Variants in SRGAP1 observed in about 807,000 individuals in gnomAD.
SRGAP1 encodes the protein SLIT-ROBO Rho GTPase-activating protein 1.
SRGAP1 carries 43 observed loss-of-function variants against 121.9 expected under a neutral mutation model. The observed-to-expected ratio is 0.35, with a 90% CI of 0.28 to 0.46. The LOEUF is 0.46. Ranked by LOEUF, SRGAP1 falls within the 20% of genes least tolerant of loss-of-function variation. SRGAP1 has a pLI of 1.00. For synonymous variants in SRGAP1, 447 were observed against 485.4 expected (o/e 0.92, Z 1.04); for missense variants, 1,102 against 1,350.9 (o/e 0.82, Z 2.89).
intron 1 of SRGAP1, among the ~76,000 whole-genome samples, chr12:63,889,987 T>C (rs1900523372): frequency 6.6e-6 from 1 of 152,224 alleles, no homozygotes; most frequent in South Asian, 2.1e-4. Context: ...ATTTGCTTTA[T>C]CTGTTTGTTC....
At chr12:64,137,120 T>C (rs1477626388) in intron 21 of SRGAP1, among the ~76,000 whole-genome samples, 1 of 151,932 alleles carries the variant, frequency 6.6e-6, no homozygotes, top group Non-Finnish European at 1.5e-5. Context: ...AAAAATTAGC[T>C]GGGCATGGTG....
At chr12:63,923,035 T>C (rs1230312093) in intron 1 of SRGAP1, among the ~76,000 whole-genome samples, 2 of 152,226 alleles carry the variant, frequency 1.3e-5, no homozygotes, top group Non-Finnish European at 2.9e-5. Flanking sequence ...GGGAACTCAC[T>C]GTTGGTACAA....
At chr12:64,062,682 A>C (rs2035471471) in intron 6 of SRGAP1, among the ~76,000 whole-genome samples, 1 of 152,050 alleles carries the variant, frequency 6.6e-6, no homozygotes, top group African/African-American at 2.4e-5. Context: ...ATGCCTGGCT[A>C]ATTTTTTGTA....
Position 63,989,479 on chromosome 12 carries a change from C to T in SRGAP1, c.264-431C>T, listed in dbSNP as rs1012146229. Among the ~76,000 whole-genome samples the T allele has an allele frequency of 9.2e-5, 14 of 152,304 alleles. No individual in the cohort carries two copies. In the East Asian group the frequency reaches 2.3e-3, roughly 25 times the overall value. On this transcript the variant is annotated intron_variant, in intron 2 of 21. Coordinates refer to ENST00000355086, the MANE Select transcript of SRGAP1 (RefSeq NM_020762.4). Reference sequence around the variant, plus strand: ...TGCATAACTAGCCAAATTTCTTTTCCAGCAACATACTGAACATTCAAAGCA... The same window carrying T: ...TGCATAACTAGCCAAATTTCTTTTCTAGCAACATACTGAACATTCAAAGCA...
rs146890939 is a variant in SRGAP1 at position 64,014,614 on chromosome 12, T to G, written c.427-2336T>G. ...TGTACATGTAGCCCTGAACTTAAAA[T>G]AAACGTTAAATAAAAGAAAAAATCA... is the stretch of plus-strand genomic sequence containing the variant. On this transcript the variant is annotated intron_variant, in intron 3 of 21. Coordinates refer to ENST00000355086, the MANE Select transcript of SRGAP1 (RefSeq NM_020762.4). 2.4e-3 allele frequency among the ~76,000 whole-genome samples: 361 copies of G among 150,542 alleles called. 3 individuals are homozygous for G. The highest frequency in any genetic ancestry group is 8.3e-3 in the African/African-American group (336 of 40,578).
chr12:63,924,526 A>G (rs1388800291), intron 1 of SRGAP1, among the ~76,000 whole-genome samples: 2 of 152,250 alleles, frequency 1.3e-5, no homozygotes, highest in African/African-American at 2.4e-5. Context: ...TAAAACACCA[A>G]TAGCTAGTTT....
At chr12:63,967,708 G>C (rs1337916964) in intron 1 of SRGAP1, among the ~76,000 whole-genome samples, 1 of 152,194 alleles carries the variant, frequency 6.6e-6, no homozygotes, top group Admixed American at 6.5e-5. Flanking sequence ...CTGTAATTCT[G>C]TTTCTCTAGC....
chr12:64,074,727 G>C (rs1035032718), intron 8 of SRGAP1, among the ~76,000 whole-genome samples: 1 of 152,070 alleles, frequency 6.6e-6, no homozygotes. Flanking sequence ...AGAAATAACA[G>C]CATTTACTTT....
chr12:64,142,678 A>C lies in SRGAP1; in HGVS notation c.*6A>C. On this transcript the variant is annotated 3_prime_UTR_variant, in exon 22 of 22. Coordinates refer to ENST00000355086, the MANE Select transcript of SRGAP1 (RefSeq NM_020762.4). Reference sequence around the variant, plus strand: ...ACAAGTCATGCACAATGTAAAAACCAGCCAAGCAAGGCCATAAAGGGAGGT... The same window carrying C: ...ACAAGTCATGCACAATGTAAAAACCCGCCAAGCAAGGCCATAAAGGGAGGT... 6.2e-7 allele frequency: 1 copy of C among 1,601,194 alleles called. No individual in the cohort carries two copies. Among genetic ancestry groups the C allele is most frequent in the Admixed American group, 1.7e-5 (1 of 59,034 alleles).
chr12:64,132,262 G>T (rs929497552), intron 21 of SRGAP1, among the ~76,000 whole-genome samples: 3 of 152,190 alleles, frequency 2.0e-5, no homozygotes, highest in Non-Finnish European at 2.9e-5. Context: ...ACCTATGGGG[G>T]CCTGCCAAAG....
At chr12:64,031,351 C>T (rs2034776076) in intron 4 of SRGAP1, among the ~76,000 whole-genome samples, 1 of 151,338 alleles carries the variant, frequency 6.6e-6, no homozygotes, top group Non-Finnish European at 1.5e-5. Flanking sequence ...TGCCATCTAC[C>T]CTGACACTGA....
chr12:63,973,215 A>C (rs768876134), intron 1 of SRGAP1, among the ~76,000 whole-genome samples: 2 of 152,222 alleles, frequency 1.3e-5, no homozygotes, highest in Non-Finnish European at 2.9e-5. Flanking sequence ...TATTTGCTGC[A>C]TCAACTCTCA....
At chr12:64,060,205 C>CTTTTTTTTTT (rs58447783) in intron 6 of SRGAP1, among the ~76,000 whole-genome samples, 2 of 121,444 alleles carry the variant, frequency 1.6e-5, no homozygotes, top group African/African-American at 6.1e-5. Flanking sequence ...TTCTTTTTTT[C>CTTTTTTTTTT]TTTTTTTTTT....
chr12:64,098,297 G>C (rs1048453585), intron 15 of SRGAP1, among the ~76,000 whole-genome samples: 2 of 150,432 alleles, frequency 1.3e-5, no homozygotes, highest in Non-Finnish European at 3.0e-5. Flanking sequence ...TCTACTTCTA[G>C]ATTTTGCCTT....
At chr12:63,981,614 G>A (rs2033249169) in intron 1 of SRGAP1, among the ~76,000 whole-genome samples, 1 of 152,176 alleles carries the variant, frequency 6.6e-6, no homozygotes, top group African/African-American at 2.4e-5. Flanking sequence ...CACTTACTTT[G>A]ATTGACTAAA....
At chr12:63,954,683 A>AAAAAAAAAAAAAAAAAAAAAAAG (rs1389261361) in intron 1 of SRGAP1, among the ~76,000 whole-genome samples, 2 of 147,794 alleles carry the variant, frequency 1.4e-5, no homozygotes, top group African/African-American at 5.1e-5. Context: ...ATCTCAAAAA[A>AAAAAAAAAAAAAAAAAAAAAAAG]AAAAAAAAAG....
At chr12:63,899,323 T>C (rs1021505497) in intron 1 of SRGAP1, among the ~76,000 whole-genome samples, 1 of 151,172 alleles carries the variant, frequency 6.6e-6, no homozygotes, top group African/African-American at 2.4e-5. Flanking sequence ...GGTGACAGAG[T>C]GAGATCCTGT....
At chr12:64,141,913 G>T (rs2036970314) in intron 21 of SRGAP1, among the ~76,000 whole-genome samples, 1 of 152,150 alleles carries the variant, frequency 6.6e-6, no homozygotes, top group Non-Finnish European at 1.5e-5. Context: ...ATCATATGAG[G>T]CCAGGAGGTC....
At chr12:64,016,032 T>C (rs2034392246) in intron 3 of SRGAP1, among the ~76,000 whole-genome samples, 1 of 152,158 alleles carries the variant, frequency 6.6e-6, no homozygotes, top group Admixed American at 6.5e-5. Context: ...TCAAATGCTG[T>C]TTTTTACCAA....
Sources: gnomAD v4.1 joint callset for allele counts (sites outside exome capture counted in the v4.1 genomes callset) on GRCh38, gnomAD v4.1.1 for gene constraint, MANE v1.5 for transcripts, NCBI Gene and HGNC (gene_info 2026-07-23, HGNC 2026-07-21) for gene names.